CYYR1: variants seen among roughly 807,000 people sequenced by gnomAD.
CYYR1 encodes cysteine and tyrosine rich 1, also known as cysteine and tyrosine-rich protein 1.
A neutral mutation model predicts 15.2 loss-of-function variants in CYYR1; 14 were observed. The ratio of observed to expected loss-of-function variants is 0.92; its 90% confidence interval spans 0.61 to 1.44. CYYR1 has a LOEUF of 1.44. Ranked by LOEUF, CYYR1 falls within the 40% of genes most tolerant of loss-of-function variation. CYYR1 has a pLI of 0.00. For missense variants in CYYR1, 228 were observed against 209.5 expected (o/e 1.09, Z -0.54); for synonymous variants, 80 against 77.4 (o/e 1.03, Z -0.18).
intron 2 of CYYR1, among the ~76,000 whole-genome samples, chr21:26,523,427 A>G (rs2065826708): frequency 6.6e-6 from 1 of 152,156 alleles, no homozygotes; most frequent in Non-Finnish European, 1.5e-5. Flanking sequence ...AAAATAAAAT[A>G]CCAATCAGAT....
At chr21:26,524,838 A>G (rs1476779616) in intron 2 of CYYR1, among the ~76,000 whole-genome samples, 1 of 152,224 alleles carries the variant, frequency 6.6e-6, no homozygotes, top group Non-Finnish European at 1.5e-5. Flanking sequence ...CGATGTTTGT[A>G]ATATTCCCCT....
chr21:26,563,871 G>A (rs1440196817), intron 2 of CYYR1, among the ~76,000 whole-genome samples: 26 of 152,028 alleles, frequency 1.7e-4, no homozygotes, highest in Admixed American at 1.7e-3. Flanking sequence ...ATTTTAAACT[G>A]AGCAAACATT....
rs1981114326 is a variant in CYYR1, at chr21:26,573,030, G to T, written c.-90C>A. 6.2e-7 allele frequency: 1 copy of T among 1,605,392 alleles called. No individual in the cohort carries two copies. Among genetic ancestry groups the T allele is most frequent in the Non-Finnish European group, 8.5e-7 (1 of 1,176,326 alleles). Reference sequence around the variant, plus strand: ...GGAGGGCGATCAGATGGAGAGAGCAGCGCTCCTGAGAGCCGGGTGGAGCAG... The same window carrying T: ...GGAGGGCGATCAGATGGAGAGAGCATCGCTCCTGAGAGCCGGGTGGAGCAG... On this transcript the variant is annotated 5_prime_UTR_variant, in exon 1 of 4. The change creates a new upstream start codon in the 5' untranslated region. Coordinates refer to ENST00000652641, the MANE Select transcript of CYYR1 (RefSeq NM_001320768.2).
In CYYR1 at chr21:26,496,548, AT is replaced by A; in HGVS notation, c.177-16120del. ...CAAAATGAATATTTAACATAGAATCATTTTTTTCTGGTAAATATACAAAACT... is the reference window on the plus strand; with the variant it reads ...CAAAATGAATATTTAACATAGAATCATTTTTTCTGGTAAATATACAAAACT... On this transcript the variant is annotated intron_variant, in intron 2 of 3. Transcript: ENST00000652641. Among the ~76,000 whole-genome samples the A allele has an allele frequency of 2.0e-5, 3 of 152,314 alleles. No individual in the cohort carries two copies. The Middle Eastern group carries it at 0.01, about 518-fold the overall frequency.
intron 2 of CYYR1, among the ~76,000 whole-genome samples, chr21:26,557,232 C>G (rs907407481): frequency 4.6e-5 from 7 of 152,142 alleles, no homozygotes; most frequent in Non-Finnish European, 1.0e-4. Flanking sequence ...CCAACAATTC[C>G]TGCTGCCACC....
intron 3 of CYYR1, among the ~76,000 whole-genome samples, chr21:26,474,628 T>G (rs527658248): frequency 6.6e-6 from 1 of 152,162 alleles, no homozygotes; most frequent in African/African-American, 2.4e-5. Context: ...CCTCCACAAC[T>G]TCTCTTATCG....
chr21:26,504,199 ATTATT>A (rs1353090939), intron 2 of CYYR1, among the ~76,000 whole-genome samples: 1 of 151,346 alleles, frequency 6.6e-6, no homozygotes, highest in Non-Finnish European at 1.5e-5. Context: ...ACAAATTATT[ATTATT>A]TTATTTTACT....
chr21:26,470,351 T>A (rs1163759196), intron 3 of CYYR1, among the ~76,000 whole-genome samples: 1 of 152,134 alleles, frequency 6.6e-6, no homozygotes, highest in Non-Finnish European at 1.5e-5. Flanking sequence ...AAAAAAACTA[T>A]GTTTTTGATA....
intron 2 of CYYR1, among the ~76,000 whole-genome samples, chr21:26,516,635 A>C (rs1425915653): frequency 2.6e-5 from 4 of 152,260 alleles, no homozygotes; most frequent in Non-Finnish European, 5.9e-5. Context: ...CATATTATGT[A>C]TGATAATGGT....
chr21:26,486,255 C>A (rs912452118), intron 2 of CYYR1, among the ~76,000 whole-genome samples: 1 of 152,034 alleles, frequency 6.6e-6, no homozygotes, highest in East Asian at 1.9e-4. Context: ...GTTCACAGAA[C>A]AAAAGTTTTT....
intron 2 of CYYR1, among the ~76,000 whole-genome samples, chr21:26,519,329 A>G (rs2065773403): frequency 6.6e-6 from 1 of 152,146 alleles, no homozygotes; most frequent in Admixed American, 6.6e-5. Context: ...GGATCAGGGG[A>G]AGGGATGTAG....
At chr21:26,485,607 C>T (rs2123420640) in intron 2 of CYYR1, among the ~76,000 whole-genome samples, 1 of 152,070 alleles carries the variant, frequency 6.6e-6, no homozygotes, top group South Asian at 2.1e-4. Flanking sequence ...AGTCTTTTTT[C>T]CCTCAGCGTA....
chr21:26,529,816 T>C (rs564034051), intron 2 of CYYR1, among the ~76,000 whole-genome samples: 56 of 152,352 alleles, frequency 3.7e-4, no homozygotes, highest in African/African-American at 1.3e-3. Flanking sequence ...GCTGGAATGA[T>C]GGAGGGGCAG....
intron 2 of CYYR1, among the ~76,000 whole-genome samples, chr21:26,494,633 G>T (rs895323224): frequency 6.6e-6 from 1 of 151,482 alleles, no homozygotes. Flanking sequence ...TATCTTCTGT[G>T]ATTTTTTTTT....
chr21:26,514,245 T>G (rs2065690174), intron 2 of CYYR1, among the ~76,000 whole-genome samples: 1 of 152,088 alleles, frequency 6.6e-6, no homozygotes, highest in South Asian at 2.1e-4. Context: ...CCCCTCCAAA[T>G]CTCATGTTGA....
rs71183558 is a variant in CYYR1 at position 26,520,113 on chromosome 21, G to GATATATATATATAT, written c.177-39698_177-39685dup. Reference sequence around the variant, plus strand: ...TCTTCTTCTAAAAAAAAACCCAGGAGATATATATATATATATATATATATA... The same window carrying GATATATATATATAT: ...TCTTCTTCTAAAAAAAAACCCAGGAGATATATATATATATATATATATATATATATATATATATA... On this transcript the variant is annotated intron_variant, in intron 2 of 3. Transcript: ENST00000652641. Among the ~76,000 whole-genome samples, 197 of 120,620 alleles carry GATATATATATATAT rather than the reference G, an allele frequency of 1.6e-3. 2 individuals are homozygous for GATATATATATATAT. Among genetic ancestry groups the GATATATATATATAT allele is most frequent in the Non-Finnish European group, 2.2e-3 (127 of 58,846 alleles). The allele number at this position is 120,620 out of a possible 152,430, so 79.1% of individuals were successfully genotyped here.
intron 3 of CYYR1, 58 bp from the exon 4 acceptor site, chr21:26,468,692 T>G: frequency 7.5e-7 from 1 of 1,339,448 alleles, no homozygotes; most frequent in Non-Finnish European, 1.0e-6. Context: ...ATTTCTACTG[T>G]GTTGAAGCCA....
At chr21:26,546,298 G>T (rs1019851467) in intron 2 of CYYR1, among the ~76,000 whole-genome samples, 3 of 152,226 alleles carry the variant, frequency 2.0e-5, no homozygotes, top group African/African-American at 7.2e-5. Flanking sequence ...CTGTGCCACA[G>T]ATTCTCTTCT....
intron 2 of CYYR1, among the ~76,000 whole-genome samples, chr21:26,497,716 C>G (rs1008720643): frequency 1.3e-5 from 2 of 152,098 alleles, no homozygotes; most frequent in Non-Finnish European, 2.9e-5. Flanking sequence ...ATACACACTG[C>G]CTCGTACAAT....
Sources: allele counts gnomAD v4.1 joint callset (sites outside exome capture counted in the v4.1 genomes callset), GRCh38; gene constraint gnomAD v4.1.1; transcripts MANE v1.5; gene names NCBI Gene and HGNC (gene_info 2026-07-23, HGNC 2026-07-21).